ZNF648: variants seen among roughly 807,000 people sequenced by gnomAD.
ZNF648 encodes zinc finger protein 648.
In ZNF648, 1 loss-of-function variant was observed where a neutral mutation model predicts 0.3. The ratio of observed to expected loss-of-function variants is 3.90; its 90% confidence interval spans 1.39 to 18.51. The LOEUF (loss-of-function observed/expected upper bound fraction) is 18.51. Ranked by LOEUF, ZNF648 falls within the 30% of genes most tolerant of loss-of-function variation. The pLI is 0.11. For synonymous variants in ZNF648, 376 were observed against 326.8 expected, an observed-to-expected ratio of 1.15 and a Z score of -1.62; for missense variants, 874 against 769.7, an observed-to-expected ratio of 1.14 and a Z score of -1.60.
chr1:182,057,649 CTGCT>C lies in ZNF648; in HGVS notation c.358_361del (p.Ser120GlufsTer15), dbSNP rs1335856996. 1 of 1,614,242 alleles carries C rather than the reference CTGCT, an allele frequency of 6.2e-7. No homozygotes were observed. Among genetic ancestry groups the C allele is most frequent in the Non-Finnish European group, 8.5e-7 (1 of 1,180,040 alleles). On this transcript the variant is annotated frameshift_variant, in exon 2 of 2. Coordinates refer to ENST00000339948, the MANE Select transcript of ZNF648 (RefSeq NM_001009992.1). LOFTEE classifies it low-confidence loss of function (END_TRUNC). ...ACCACTGGGAAGGGAACCCAGAGCT[CTGCT>C]TGCTCCCGGGGAACCCTGGGTCTCG... is the stretch of plus-strand genomic sequence containing the variant.
At chr1:182,059,693 C>T (rs747236847) in intron 1 of ZNF648, among the ~76,000 whole-genome samples, 5 of 150,632 alleles carry the variant, frequency 3.3e-5, no homozygotes, top group Admixed American at 6.6e-5. Context: ...GGTGAAACCC[C>T]GTCTCTACTA....
rs1269039003 is a variant in ZNF648, at chr1:182,057,966, A to G, written c.45T>C (p.Pro15=). Residue 15 remains proline, a synonymous_variant, in exon 2 of 2, where the codon CCT becomes CCC. Transcript: ENST00000339948. ...GAGCTTCCTCAGTCAAGCTGCTGAG[A>G]GGAGACGCCTCTCCCCACCTGTCCT... ...DSQDRWGEAS[P]LSSLTEEAHD... is the part of the protein sequence containing the mutation. 3 of 1,613,536 alleles carry G rather than the reference A, an allele frequency of 1.9e-6. No homozygotes were observed. The highest frequency in any genetic ancestry group is 2.5e-6 in the Non-Finnish European group (3 of 1,179,758).
rs2101919944 is a variant in ZNF648, at chr1:182,057,507, G to A, written c.504C>T (p.Pro168=). 3 of 1,614,222 alleles carry A rather than the reference G, an allele frequency of 1.9e-6. No homozygotes were observed. The highest frequency in any genetic ancestry group is 1.7e-6 in the Non-Finnish European group (2 of 1,180,048). ...GCGCACAGAGATACTTTCCATTGCT[G>A]GGGAAGCTGGGTGGGACATCCAAGA... ...DAVLDVPPSF[P]SNGKYLCAHK... Residue 168 remains proline (P), a synonymous_variant, in exon 2 of 2, where the codon CCC becomes CCT. Coordinates refer to ENST00000339948, the MANE Select transcript of ZNF648 (RefSeq NM_001009992.1).
At chr1:182,068,340 T>A in the ZNF648 span, 3 of 152,250 alleles carry the variant, frequency 2.0e-5, no homozygotes, top group Non-Finnish European at 4.4e-5. Flanking sequence ...AGCTTTACTA[T>A]GTCAGTGTTT....
chr1:182,058,685 A>C (rs1012191787), intron 1 of ZNF648, among the ~76,000 whole-genome samples: 5 of 152,084 alleles, frequency 3.3e-5, no homozygotes, highest in Non-Finnish European at 7.4e-5. Flanking sequence ...GGCCCTTGTA[A>C]CTTCTGAGGA....
chr1:182,065,433 C>T (rs558871619), upstream of ZNF648, among the ~76,000 whole-genome samples: 12 of 152,332 alleles, frequency 7.9e-5, no homozygotes, highest in African/African-American at 2.9e-4. Context: ...ACCTATTCCT[C>T]ATTCAGCCTG....
At position 182,055,370 on chromosome 1, in the gene ZNF648, T is replaced by C. The variant is rs1408493014; in HGVS notation, c.*934A>G. The C allele has an allele frequency of 6.6e-6, 1 of 152,238 alleles. No homozygotes were observed. Among genetic ancestry groups the C allele is most frequent in the Non-Finnish European group, 1.5e-5 (1 of 68,040 alleles). The allele number at this position is 152,238 out of a possible 1,614,324, so 9.4% of individuals were successfully genotyped here. ...GACTAATGATTCAGACAAATTTAAA[T>C]GAACCCAAACGGTTTCATGAACCAT... On this transcript the variant is annotated 3_prime_UTR_variant, in exon 2 of 2. Transcript: ENST00000339948. This position sits in a 1 kb window ranked among gnomAD's most constrained non-coding sequence, Gnocchi z 4.1.
At position 182,057,993 on chromosome 1, in the gene ZNF648, G is replaced by A. The variant is rs1201003022; in HGVS notation, c.18C>T (p.Ser6=). The part of the protein sequence containing the change: MAQVD[S]QDRWGEASPL... Reference sequence around the variant, plus strand: ...GAGACGCCTCTCCCCACCTGTCCTGGGAGTCCACTTGTGCCATGATGTTCA... The same window carrying A: ...GAGACGCCTCTCCCCACCTGTCCTGAGAGTCCACTTGTGCCATGATGTTCA... Residue 6 remains serine, a synonymous_variant, in exon 2 of 2, where the codon TCC becomes TCT. Coordinates refer to ENST00000339948, the MANE Select transcript of ZNF648 (RefSeq NM_001009992.1). The A allele has an allele frequency of 1.2e-6, 2 of 1,608,350 alleles. No homozygotes were observed. Among genetic ancestry groups the A allele is most frequent in the Admixed American group, 3.4e-5 (2 of 59,320 alleles).
At position 182,057,137 on chromosome 1, in the gene ZNF648, C is replaced by T. The variant is rs1216361753; in HGVS notation, c.874G>A (p.Gly292Ser). The T allele has an allele frequency of 6.2e-7, 1 of 1,605,030 alleles. No homozygotes were observed. The highest frequency in any genetic ancestry group is 1.1e-5 in the South Asian group (1 of 90,976). Residue 292 changes from glycine to serine, a missense_variant, in exon 2 of 2, where the codon GGC becomes AGC. Coordinates refer to ENST00000339948, the MANE Select transcript of ZNF648 (RefSeq NM_001009992.1). ...AGGCGCCTGTGCTGCTGGAGTGTGC[C>T]GCGGTGGGAGTAGGCCTTCCCGCAT... ...ELCGKAYSHR[G>S]TLQQHRRLHT...
chr1:182,057,947 C>T lies in ZNF648; in HGVS notation c.64G>A (p.Glu22Lys). ...EASPLSSLTE[E>K]AHDTQMLSMN... is the part of the protein sequence containing the mutation. Reference sequence around the variant, plus strand: ...CTCAGCATCTGGGTGTCATGAGCTTCCTCAGTCAAGCTGCTGAGAGGAGAC... The same window carrying T: ...CTCAGCATCTGGGTGTCATGAGCTTTCTCAGTCAAGCTGCTGAGAGGAGAC... The change falls in exon 2 of 2, where the codon GAA becomes AAA. Residue 22 changes from glutamate (E) to lysine (K), a missense_variant. By Grantham distance (56) the Glu-to-Lys change is moderately conservative. Coordinates refer to ENST00000339948, the MANE Select transcript of ZNF648 (RefSeq NM_001009992.1). 1 of 1,614,092 alleles carries T rather than the reference C, an allele frequency of 6.2e-7. No individual in the cohort carries two copies. The highest frequency in any genetic ancestry group is 8.5e-7 in the Non-Finnish European group (1 of 1,180,024).
At position 182,057,570 on chromosome 1, in the gene ZNF648, C is replaced by T. The variant is rs373301859; in HGVS notation, c.441G>A (p.Ala147=). ...TTGCCCCCGAGTATCCATCATCACC[C>T]GCAGGTAGTCGGTCCCCAAGAGGTT... The part of the protein sequence containing the change: ...QMQPLGDRLP[A]GDDGYSGANQ... The change falls in exon 2 of 2, where the codon GCG becomes GCA. Residue 147 remains alanine, a synonymous_variant. Transcript: ENST00000339948. 7 of 1,614,116 alleles carry T rather than the reference C, an allele frequency of 4.3e-6. No individual in the cohort carries two copies. The South Asian group carries it at 6.6e-5, about 15-fold the overall frequency.
chr1:182,066,384 A>G (rs1236321725), upstream of ZNF648, among the ~76,000 whole-genome samples: 1 of 152,218 alleles, frequency 6.6e-6, no homozygotes, highest in Non-Finnish European at 1.5e-5. Flanking sequence ...CATCACAGCA[A>G]TCTGCCTGAG....
rs1486575972 is a variant in ZNF648 at position 182,057,482 on chromosome 1, G to A, written c.529C>T (p.His177Tyr). The A allele has an allele frequency of 3.1e-6, 5 of 1,614,102 alleles. No homozygotes were observed. The highest frequency in any genetic ancestry group is 3.3e-5 in the Admixed American group (2 of 60,010). Residue 177 changes from histidine to tyrosine, a missense_variant, in exon 2 of 2, where the codon CAC (histidine) becomes TAC (tyrosine). By Grantham distance (83) the His-to-Tyr change is moderately conservative. Coordinates refer to ENST00000339948, the MANE Select transcript of ZNF648 (RefSeq NM_001009992.1). Reference sequence around the variant, plus strand: ...CCTGCGGACGTGTCTACACTTTTGTGCGCACAGAGATACTTTCCATTGCTG... The same window carrying A: ...CCTGCGGACGTGTCTACACTTTTGTACGCACAGAGATACTTTCCATTGCTG... Reference protein sequence around the residue: ...FPSNGKYLCAHKSVDTSAGNS... With the variant: ...FPSNGKYLCAYKSVDTSAGNS...
At chr1:182,067,733 A>T in the ZNF648 span, among the ~76,000 whole-genome samples, 1 of 152,178 alleles carries the variant, frequency 6.6e-6, no homozygotes, top group African/African-American at 2.4e-5. Flanking sequence ...AGGCCGAGGG[A>T]GCATAAGCTG....
upstream of ZNF648, among the ~76,000 whole-genome samples, chr1:182,066,322 G>A (rs185025928): frequency 1.7e-4 from 26 of 152,242 alleles, 1 homozygote; most frequent in East Asian, 4.8e-3. Context: ...TGACGTGGTG[G>A]AACATGAGCC....
rs764160152 is a variant in ZNF648 at position 182,057,372 on chromosome 1, C to T, written c.639G>A (p.Ser213=). Residue 213 remains serine, a synonymous_variant, in exon 2 of 2, where the codon TCG becomes TCA. Coordinates refer to ENST00000339948, the MANE Select transcript of ZNF648 (RefSeq NM_001009992.1). ...CGGCAGCCAGGCTGGCTGGGGTGGC[C>T]GACGCCTGGGCTGGTGTATGTGTCT... ...TQETHTPAQA[S]ATPASLAAAV... The T allele has an allele frequency of 6.2e-7, 1 of 1,612,386 alleles. No homozygotes were observed. The highest frequency in any genetic ancestry group is 2.2e-5 in the East Asian group (1 of 44,858).
rs1557977029 is a variant in ZNF648, at chr1:182,061,703, G to A, written c.-199C>T. 1 of 152,506 alleles carries A rather than the reference G, an allele frequency of 6.6e-6. No individual in the cohort carries two copies. The highest frequency in any genetic ancestry group is 2.1e-4 in the South Asian group (1 of 4,822). The allele number at this position is 152,506 out of a possible 1,614,324, so 9.4% of individuals were successfully genotyped here. A position where few individuals can be genotyped will look rare whatever the true frequency, so the allele number is the denominator to read the frequency against. ...TCTCACGCTTTGTGTCCAGTCCAGC[G>A]GCTGCAGAGAGAGCCTCTGGAGGTG... On this transcript the variant is annotated 5_prime_UTR_variant, in exon 1 of 2. Coordinates refer to ENST00000339948, the MANE Select transcript of ZNF648 (RefSeq NM_001009992.1).
chr1:182,058,143 T>C, intron 1 of ZNF648, 70 bp from the exon 2 acceptor site: 1 of 1,111,110 alleles, frequency 9.0e-7, no homozygotes, highest in Non-Finnish European at 1.3e-6. Context: ...GCAGAGGGAC[T>C]GAGGTTCCCA....
In ZNF648 at chr1:182,057,242, G is replaced by T; in HGVS notation, c.769C>A (p.Arg257=). Residue 257 remains arginine (R), a synonymous_variant, in exon 2 of 2, where the codon CGG becomes AGG. Coordinates refer to ENST00000339948, the MANE Select transcript of ZNF648 (RefSeq NM_001009992.1). ...ARPYRCLRGG[R]AFQKPSKPLS... is the part of the protein sequence containing the mutation. ...GGCTTGCTGGGCTTCTGAAAGGCCC[G>T]CCCGCCCCGCAGGCACCTGTAGGGA... is the stretch of plus-strand genomic sequence containing the variant. 1 of 1,569,594 alleles carries T rather than the reference G, an allele frequency of 6.4e-7. No homozygotes were observed.
Sources: allele counts gnomAD v4.1 joint callset (sites outside exome capture counted in the v4.1 genomes callset), GRCh38; gene constraint gnomAD v4.1.1; non-coding constraint Gnocchi (gnomAD v3.1); transcripts MANE v1.5; gene names NCBI Gene and HGNC (gene_info 2026-07-23, HGNC 2026-07-21).